The following LDB2 variants were observed in gnomAD, a reference collection of about 807,000 sequenced individuals.
LDB2 encodes LIM domain-binding protein 2.
Under a neutral mutation model 44.3 loss-of-function variants are expected in LDB2, and 12 were observed. The observed-to-expected ratio is 0.27, with a 90% confidence interval of 0.17 to 0.44. LDB2 has a LOEUF of 0.44. Among genes scored for constraint, LDB2 ranks in the 20% least tolerant of loss-of-function variants. LDB2 has a pLI of 1.00. For missense variants in LDB2, 344 were observed against 473.5 expected (o/e 0.73, Z 2.54); for synonymous variants, 164 against 174.8 (o/e 0.94, Z 0.49).
chr4:16,663,902 G>A lies in LDB2; in HGVS notation c.236-68027C>T, dbSNP rs1288697429. ...GATTGCACAATTTCCTCTAGTGACA[G>A]CTATCACCCTGGAAAAGACAGTCCA... is the stretch of plus-strand genomic sequence containing the variant. On this transcript the variant is annotated intron_variant, in intron 2 of 7. Transcript: ENST00000304523. Among the ~76,000 whole-genome samples the A allele has an allele frequency of 2.0e-5, 3 of 152,264 alleles. No homozygotes were observed. In the East Asian group the frequency reaches 5.8e-4, roughly 29 times the overall value.
rs1428155574 is a variant in LDB2 at position 16,504,458 on chromosome 4, GAGTA to G, written c.892-1589_892-1586del. On this transcript the variant is annotated intron_variant, in intron 7 of 7. Coordinates refer to ENST00000304523, the MANE Select transcript of LDB2 (RefSeq NM_001290.5). The stretch of plus-strand genomic sequence containing the variant: ...ATTTTAAAAAGAAATGTCCCAAATG[GAGTA>G]AGTAAGTGCCTAAAATGTGAGCTTG... Among the ~76,000 whole-genome samples the G allele has an allele frequency of 5.3e-5, 8 of 152,294 alleles. No individual in the cohort carries two copies. The East Asian group carries it at 1.4e-3, about 26-fold the overall frequency.
chr4:16,819,204 A>G (rs1239393977), intron 1 of LDB2, among the ~76,000 whole-genome samples: 1 of 151,966 alleles, frequency 6.6e-6, no homozygotes, highest in Non-Finnish European at 1.5e-5. Context: ...GGGCTAGGTG[A>G]CCTTTTATGA....
At chr4:16,743,516 G>A (rs1763763313) in intron 2 of LDB2, among the ~76,000 whole-genome samples, 1 of 152,046 alleles carries the variant, frequency 6.6e-6, no homozygotes, top group Non-Finnish European at 1.5e-5. Context: ...GATGACTTTG[G>A]GTTCATGAAA....
At chr4:16,592,505 T>TATATATATACACAC (rs757702164) in intron 3 of LDB2, among the ~76,000 whole-genome samples, 25 of 108,054 alleles carry the variant, frequency 2.3e-4, no homozygotes, top group African/African-American at 8.7e-4. Context: ...TATATATATA[T>TATATATATACACAC]ACACACACAC....
intron 2 of LDB2, among the ~76,000 whole-genome samples, chr4:16,754,601 C>T (rs937485545): frequency 6.6e-6 from 1 of 150,730 alleles, no homozygotes; most frequent in African/African-American, 2.4e-5. Context: ...GATCTTGGTT[C>T]ACTGCAACCT....
intron 5 of LDB2, 50 bp from the exon 6 acceptor site, chr4:16,512,154 T>G: frequency 6.8e-7 from 1 of 1,478,836 alleles, no homozygotes; most frequent in Non-Finnish European, 9.1e-7. Flanking sequence ...TAACACTAAT[T>G]ACAATAAATA....
Position 16,865,487 on chromosome 4 carries a change from T to A in LDB2, c.132+32867A>T, listed in dbSNP as rs367773424. ...TCAGCTCCACAAGCCCTGCTGGAGATGGCACTAAGGGCACCTCCTCACACC... is the reference window on the plus strand; with the variant it reads ...TCAGCTCCACAAGCCCTGCTGGAGAAGGCACTAAGGGCACCTCCTCACACC... On this transcript the variant is annotated intron_variant, in intron 1 of 7. Coordinates refer to ENST00000304523, the MANE Select transcript of LDB2 (RefSeq NM_001290.5). Among the ~76,000 whole-genome samples the A allele has an allele frequency of 6.6e-5, 10 of 152,252 alleles. No individual in the cohort carries two copies. The East Asian group carries it at 9.7e-4, about 15-fold the overall frequency.
intron 1 of LDB2, among the ~76,000 whole-genome samples, chr4:16,779,772 A>G (rs1474293660): frequency 1.3e-5 from 2 of 152,202 alleles, no homozygotes; most frequent in Non-Finnish European, 2.9e-5. Context: ...CTGCTGTCCA[A>G]GTGTTCCAGG....
Position 16,502,448 on chromosome 4 carries a change from A to G in LDB2, c.*195T>C, listed in dbSNP as rs1717758248. ...CTGTGAAGGCCTCCAAGAAAGGGTCATGGAAGCTTACTGGGAATAATCCTC... is the reference window on the plus strand; with the variant it reads ...CTGTGAAGGCCTCCAAGAAAGGGTCGTGGAAGCTTACTGGGAATAATCCTC... On this transcript the variant is annotated 3_prime_UTR_variant, in exon 8 of 8. Transcript: ENST00000304523. 5.4e-6 allele frequency: 4 copies of G among 740,896 alleles called. No homozygotes were observed. The highest frequency in any genetic ancestry group is 6.5e-6 in the Non-Finnish European group (3 of 464,412). The allele number at this position is 740,896 out of a possible 1,614,324, so 45.9% of individuals were successfully genotyped here.
chr4:16,861,385 T>A lies in LDB2; in HGVS notation c.132+36969A>T, dbSNP rs184559662. ...TGGCAGTATCTCTGTCTTCTACCTA[T>A]TAGATGCCAATAGTGTCCCCCACCC... On this transcript the variant is annotated intron_variant, in intron 1 of 7. Coordinates refer to ENST00000304523, the MANE Select transcript of LDB2 (RefSeq NM_001290.5). 1.1e-4 allele frequency among the ~76,000 whole-genome samples: 17 copies of A among 152,272 alleles called. No individual in the cohort carries two copies. In the East Asian group the frequency reaches 2.7e-3, roughly 24 times the overall value.
chr4:16,804,234 G>A (rs556579263), intron 1 of LDB2, among the ~76,000 whole-genome samples: 3 of 152,036 alleles, frequency 2.0e-5, no homozygotes, highest in South Asian at 4.1e-4. Flanking sequence ...CAGGTAGCTG[G>A]GACTCCTGGC....
chr4:16,818,219 GGT>G (rs1282808852), intron 1 of LDB2, among the ~76,000 whole-genome samples: 1 of 152,150 alleles, frequency 6.6e-6, no homozygotes, highest in Non-Finnish European at 1.5e-5. Context: ...TTAGCAGGGT[GGT>G]TACACTTCTC....
chr4:16,897,780 C>T (rs1031547563), intron 1 of LDB2, among the ~76,000 whole-genome samples: 1 of 151,630 alleles, frequency 6.6e-6, no homozygotes, highest in African/African-American at 2.4e-5. Flanking sequence ...CCCTCCAGGG[C>T]TAGTTCTGAG....
At chr4:16,896,279 GT>G (rs1443028683) in intron 1 of LDB2, among the ~76,000 whole-genome samples, 1 of 152,134 alleles carries the variant, frequency 6.6e-6, no homozygotes, top group Non-Finnish European at 1.5e-5. Flanking sequence ...TAATCCAAAA[GT>G]TAGGAATTCC....
chr4:16,612,173 A>C (rs1317018504), intron 2 of LDB2, among the ~76,000 whole-genome samples: 1 of 152,226 alleles, frequency 6.6e-6, no homozygotes, highest in African/African-American at 2.4e-5. Context: ...CAGTGAGAAC[A>C]AACAGACAAT....
chr4:16,739,573 GAAAAAAA>G lies in LDB2; in HGVS notation c.235+19578_235+19584del, dbSNP rs577466407. ...TGCACTCCAGCCTCGGTGACAGAGG[GAAAAAAA>G]AAAAAAAAAATATATATATATATAT... On this transcript the variant is annotated intron_variant, in intron 2 of 7. Transcript: ENST00000304523. Among the ~76,000 whole-genome samples, 95 of 37,606 alleles carry G rather than the reference GAAAAAAA, an allele frequency of 2.5e-3. 3 individuals are homozygous for G. The East Asian group carries it at 0.028, about 11-fold the overall frequency. 24.7% of individuals were successfully genotyped at this position (37,606 alleles called of 152,430 possible). A position where few individuals can be genotyped will look rare whatever the true frequency, so the allele number is the denominator to read the frequency against.
At chr4:16,520,190 C>T (rs1475302346) in intron 5 of LDB2, among the ~76,000 whole-genome samples, 1 of 151,864 alleles carries the variant, frequency 6.6e-6, no homozygotes, top group Non-Finnish European at 1.5e-5. Flanking sequence ...ACCAGAAAGA[C>T]ATCAGATGAT....
chr4:16,628,256 G>A (rs1730848889), intron 2 of LDB2, among the ~76,000 whole-genome samples: 1 of 152,116 alleles, frequency 6.6e-6, no homozygotes, highest in Non-Finnish European at 1.5e-5. Context: ...TGTTTTGCAA[G>A]GATTACGTGA....
chr4:16,596,650 A>C (rs1721004590), intron 2 of LDB2, among the ~76,000 whole-genome samples: 1 of 152,210 alleles, frequency 6.6e-6, no homozygotes, highest in South Asian at 2.1e-4. Flanking sequence ...CTGCTTTTGG[A>C]GCTGTGTAAG....
Sources: allele counts gnomAD v4.1 joint callset (sites outside exome capture counted in the v4.1 genomes callset), GRCh38; gene constraint gnomAD v4.1.1; transcripts MANE v1.5; gene names NCBI Gene and HGNC (gene_info 2026-07-23, HGNC 2026-07-21).